YAF2: variants seen among roughly 807,000 people sequenced by gnomAD.
YAF2 encodes the protein YY1 associated factor 2.
A neutral mutation model predicts 20.1 loss-of-function variants in YAF2; 7 were observed. The ratio of observed to expected loss-of-function variants is 0.35; its 90% CI spans 0.20 to 0.65. The LOEUF is 0.65. Ranked by LOEUF, YAF2 falls within the 30% of genes least tolerant of loss-of-function variation. The pLI, the probability that YAF2 is intolerant of heterozygous loss-of-function variation, is 0.69. For synonymous variants in YAF2, 74 were observed against 76.0 expected (o/e 0.97, Z 0.14); for missense variants, 151 against 219.2 (o/e 0.69, Z 1.96).
At chr12:42,170,761 C>T (rs1458542192) in intron 2 of YAF2, among the ~76,000 whole-genome samples, 2 of 152,134 alleles carry the variant, frequency 1.3e-5, no homozygotes, top group Non-Finnish European at 2.9e-5. Context: ...AGGAGGATCA[C>T]CTGAGCCTTG....
intron 2 of YAF2, among the ~76,000 whole-genome samples, chr12:42,197,445 TG>T (rs1450987906): frequency 2.0e-4 from 30 of 152,242 alleles, no homozygotes; most frequent in Non-Finnish European, 1.5e-5. Flanking sequence ...GGAACTTTAT[TG>T]CTAATTCCAT....
rs540844482 is a variant in YAF2 at position 42,170,672 on chromosome 12, C to CTA, written c.153-8909_153-8908dup. Among the ~76,000 whole-genome samples the CTA allele has an allele frequency of 1.9e-3, 290 of 151,228 alleles. 1 individual carries two copies. Among genetic ancestry groups the CTA allele is most frequent in the African/African-American group, 6.7e-3 (273 of 40,816 alleles). On this transcript the variant is annotated intron_variant, in intron 2 of 3. Transcript: ENST00000534854. ...TAAAAACAAACAAACAAACAAAAAA[C>CTA]TATACACACACACACACACACAAAT...
intron 2 of YAF2, among the ~76,000 whole-genome samples, chr12:42,195,455 T>C (rs1341242526): frequency 1.3e-5 from 2 of 152,170 alleles, no homozygotes; most frequent in African/African-American, 2.4e-5. Flanking sequence ...AAAAGGTAAG[T>C]AGATACTGAA....
chr12:42,212,004 G>C (rs933430586), intron 2 of YAF2, among the ~76,000 whole-genome samples: 1 of 151,634 alleles, frequency 6.6e-6, no homozygotes, highest in Non-Finnish European at 1.5e-5. Context: ...AGCCAAGATC[G>C]TGCCTGGGAG....
At chr12:42,233,546 C>G in intron 2 of YAF2, 4 of 906,476 alleles carry the variant, frequency 4.4e-6, no homozygotes, top group Non-Finnish European at 5.3e-6. Flanking sequence ...AGGTCTCACT[C>G]TGTTGCCCAG....
At chr12:42,166,257 A>G (rs1043079650) in intron 2 of YAF2, among the ~76,000 whole-genome samples, 1 of 151,968 alleles carries the variant, frequency 6.6e-6, no homozygotes, top group Non-Finnish European at 1.5e-5. Flanking sequence ...TACTTCTACC[A>G]CTTCTTGGAC....
chr12:42,227,977 G>T (rs1485465342), intron 2 of YAF2, among the ~76,000 whole-genome samples: 5 of 143,080 alleles, frequency 3.5e-5, no homozygotes, highest in Non-Finnish European at 3.1e-5. Context: ...GAGGTGGGGG[G>T]GTCAGCCCCC....
At chr12:42,234,020 A>C (rs1235750529) in intron 2 of YAF2, 1 of 723,226 alleles carries the variant, frequency 1.4e-6, no homozygotes, top group Non-Finnish European at 1.7e-6. Flanking sequence ...AAAATACAAA[A>C]ATTAGCCTGG....
Position 42,238,202 on chromosome 12 carries a change from C to A in YAF2, c.-22G>T, listed in dbSNP as rs760794588. 2.0e-5 allele frequency: 29 copies of A among 1,480,972 alleles called. No homozygotes were observed. The highest frequency in any genetic ancestry group is 2.5e-5 in the Non-Finnish European group (28 of 1,106,940). The allele number at this position is 1,480,972 out of a possible 1,614,324, so 91.7% of individuals were successfully genotyped here. On this transcript the variant is annotated 5_prime_UTR_variant, in exon 1 of 4. Transcript: ENST00000534854. ...CCATGGCTTGGCTATCACCGCACGCCGAGAGTCGCCGCCGCGACCGCTCTG... is the reference window on the plus strand; with the variant it reads ...CCATGGCTTGGCTATCACCGCACGCAGAGAGTCGCCGCCGCGACCGCTCTG...
intron 2 of YAF2, chr12:42,235,108 T>C (rs2068106335): frequency 1.0e-6 from 1 of 985,798 alleles, no homozygotes; most frequent in Admixed American, 6.1e-5. Flanking sequence ...GGCCTAACAT[T>C]TGGCAATGAG....
intron 2 of YAF2, among the ~76,000 whole-genome samples, chr12:42,167,889 C>T (rs2065952779): frequency 6.6e-6 from 1 of 152,096 alleles, no homozygotes; most frequent in Non-Finnish European, 1.5e-5. Flanking sequence ...ATAGTCCCAG[C>T]TACAGTCCAG....
At chr12:42,177,964 A>G (rs1325778609) in intron 2 of YAF2, among the ~76,000 whole-genome samples, 5 of 152,100 alleles carry the variant, frequency 3.3e-5, no homozygotes, top group African/African-American at 4.8e-5. Context: ...TATTATTAAT[A>G]GTTTATCATC....
intron 2 of YAF2, among the ~76,000 whole-genome samples, chr12:42,236,870 CTTTA>C: frequency 6.6e-6 from 1 of 152,294 alleles, no homozygotes; most frequent in African/African-American, 2.4e-5. Context: ...GGATGATTTT[CTTTA>C]TTCACTTAAT....
In YAF2 at chr12:42,211,610, T is replaced by C. The variant is rs902800354; in HGVS notation, c.152+25989A>G. 1.1e-4 allele frequency among the ~76,000 whole-genome samples: 16 copies of C among 151,672 alleles called. No individual in the cohort carries two copies. The South Asian group carries it at 2.1e-3, about 20-fold the overall frequency. ...AAATACAAAAAGTAGCCAGGTGTGG[T>C]GGCATGCGCCTGTAATCCCAGCTAT... On this transcript the variant is annotated intron_variant, in intron 2 of 3. Transcript: ENST00000534854.
chr12:42,228,349 G>T, intron 2 of YAF2, among the ~76,000 whole-genome samples: 1 of 74,132 alleles, frequency 1.3e-5, no homozygotes. Context: ...GAGGTGAGGG[G>T]CGCCTCTGCC....
rs111748211 is a variant in YAF2 at position 42,193,080 on chromosome 12, G to A, written c.153-31315C>T. On this transcript the variant is annotated intron_variant, in intron 2 of 3. Coordinates refer to ENST00000534854, the MANE Select transcript of YAF2 (RefSeq NM_005748.6). ...TGTAATCCCAGCACTTTGGGTGGCC[G>A]AGGGGGGGCAGATCACTAGAGGCCA... Among the ~76,000 whole-genome samples the A allele has an allele frequency of 6.2e-3, 946 of 152,180 alleles. 7 individuals are homozygous for A. The highest frequency in any genetic ancestry group is 0.021 in the African/African-American group (892 of 41,506).
chr12:42,172,822 G>T (rs1360575624), intron 2 of YAF2, among the ~76,000 whole-genome samples: 3 of 152,148 alleles, frequency 2.0e-5, no homozygotes, highest in Admixed American at 6.5e-5. Flanking sequence ...AAGAAGGAAT[G>T]AAATACTGAC....
chr12:42,238,092 G>C, intron 1 of YAF2, 63 bp downstream of exon 1: 1 of 1,333,526 alleles, frequency 7.5e-7, no homozygotes. Flanking sequence ...GCGGCCACCC[G>C]AAGCCCTGCA....
At chr12:42,172,923 T>C (rs1160248037) in intron 2 of YAF2, among the ~76,000 whole-genome samples, 1 of 152,214 alleles carries the variant, frequency 6.6e-6, no homozygotes, top group Non-Finnish European at 1.5e-5. Flanking sequence ...GTTCTGTTTA[T>C]ATAAAATGTC....
Sources: gnomAD v4.1 joint callset for allele counts (sites outside exome capture counted in the v4.1 genomes callset) on GRCh38, gnomAD v4.1.1 for gene constraint, MANE v1.5 for transcripts, NCBI Gene and HGNC (gene_info 2026-07-23, HGNC 2026-07-21) for gene names.